Variants in KIF13B observed in about 807,000 individuals in gnomAD.
KIF13B encodes kinesin-like protein KIF13B.
In KIF13B, 127 loss-of-function variants were observed where a neutral mutation model predicts 222.0. The observed-to-expected ratio is 0.57, with a 90% CI of 0.50 to 0.66. The LOEUF (loss-of-function observed/expected upper bound fraction) is 0.66, where lower values mean the gene tolerates loss of function less well. Ranked by LOEUF, KIF13B falls within the 30% of genes least tolerant of loss-of-function variation. The probability of loss-of-function intolerance (pLI) is 0.00; values close to 1 mark genes in which losing one functional copy is unlikely to be tolerated. For missense variants in KIF13B, 2,173 were observed against 2,379.0 expected (o/e 0.91, Z 1.80); for synonymous variants, 976 against 919.0 (o/e 1.06, Z -1.12).
rs1000187998 is a variant in KIF13B at position 29,194,573 on chromosome 8, G to C, written c.162+1614C>G. Among the ~76,000 whole-genome samples the C allele has an allele frequency of 7.2e-5, 11 of 152,144 alleles. No homozygotes were observed. The South Asian group carries it at 2.3e-3, about 32-fold the overall frequency. ...CCCCAATATGAAAGTGCCACAGCCT[G>C]GCACAAAGTTGGGGACTAATAAACA... On this transcript the variant is annotated intron_variant, in intron 3 of 39. Transcript: ENST00000524189.
At chr8:29,146,317 G>C in intron 18 of KIF13B, 61 bp downstream of exon 18, 1 of 1,548,414 alleles carries the variant, frequency 6.5e-7, no homozygotes, top group Non-Finnish European at 8.9e-7. Context: ...ATAACACCAG[G>C]AAATATCAGG....
chr8:29,254,383 C>T (rs927354488), intron 1 of KIF13B, among the ~76,000 whole-genome samples: 2 of 151,956 alleles, frequency 1.3e-5, no homozygotes, highest in African/African-American at 4.8e-5. Flanking sequence ...AAAAAGAAAC[C>T]CATAAAATCA....
At chr8:29,183,442 G>A (rs1479537947) in intron 6 of KIF13B, among the ~76,000 whole-genome samples, 4 of 152,034 alleles carry the variant, frequency 2.6e-5, no homozygotes, top group African/African-American at 4.8e-5. Flanking sequence ...ATGAGCCACC[G>A]TGCCCAACCA....
chr8:29,104,961 G>GT (rs975617579), intron 35 of KIF13B, among the ~76,000 whole-genome samples: 6 of 145,528 alleles, frequency 4.1e-5, no homozygotes, highest in East Asian at 4.1e-4. Context: ...AGCCAGGATG[G>GT]TTTTTTTTCC....
At chr8:29,155,627 T>C in intron 14 of KIF13B, 99 bp downstream of exon 14, 1 of 1,007,976 alleles carries the variant, frequency 9.9e-7, no homozygotes. Context: ...GATTACTTAA[T>C]GTGGTCAACT....
intron 32 of KIF13B, among the ~76,000 whole-genome samples, chr8:29,112,599 C>A (rs1475645194): frequency 2.0e-5 from 3 of 152,136 alleles, no homozygotes; most frequent in Non-Finnish European, 4.4e-5. Flanking sequence ...GTCTCACACC[C>A]CCACTTCTCC....
intron 37 of KIF13B, among the ~76,000 whole-genome samples, chr8:29,086,430 A>T (rs1014475943): frequency 2.0e-5 from 3 of 152,192 alleles, no homozygotes; most frequent in African/African-American, 7.2e-5. Context: ...CTGAGGTTAG[A>T]GGATCACCTG....
intron 14 of KIF13B, 30 bp from the exon 15 acceptor site, chr8:29,150,413 A>G (rs1343477861): frequency 5.6e-6 from 6 of 1,077,120 alleles, no homozygotes; most frequent in Non-Finnish European, 8.5e-6. Flanking sequence ...AACGTGAATG[A>G]TGAGTACAGT....
At chr8:29,157,210 GCCACTCCCTT>G (rs997921234) in intron 13 of KIF13B, among the ~76,000 whole-genome samples, 20 of 151,276 alleles carry the variant, frequency 1.3e-4, no homozygotes, top group African/African-American at 4.6e-4. Context: ...TCCATTGCAT[GCCACTCCCTT>G]CCACTCCTGC....
At position 29,187,218 on chromosome 8, in the gene KIF13B, C is replaced by A. The variant is rs183320034; in HGVS notation, c.317-746G>T. Reference sequence around the variant, plus strand: ...TATAGTGTGGAAACTAAAGAATAATCTTTTTTCTTATATAAAATTATTTTC... The same window carrying A: ...TATAGTGTGGAAACTAAAGAATAATATTTTTTCTTATATAAAATTATTTTC... On this transcript the variant is annotated intron_variant, in intron 5 of 39. Transcript: ENST00000524189. Among the ~76,000 whole-genome samples the A allele has an allele frequency of 5.6e-4, 85 of 152,172 alleles. No homozygotes were observed. The East Asian group carries it at 8.0e-3, about 14-fold the overall frequency.
At chr8:29,109,882 C>T in intron 33 of KIF13B, 36 bp downstream of exon 33, 9 of 1,605,580 alleles carry the variant, frequency 5.6e-6, no homozygotes, top group Non-Finnish European at 7.7e-6. Context: ...TGCATCAGGG[C>T]CTCTGCTGCC....
rs914219536 is a variant in KIF13B at position 29,070,419 on chromosome 8, C to T, written c.*85G>A. On this transcript the variant is annotated 3_prime_UTR_variant, in exon 40 of 40. Transcript: ENST00000524189. The surrounding 1 kb of genome is among the most constrained non-coding windows in gnomAD (Gnocchi z 4.1). The stretch of plus-strand genomic sequence containing the variant: ...GCCCTGCCCCTGGGGAAGGGGCCAC[C>T]GGGCTCCTGGCTCCTCAGGGCTGTC... 9 of 1,491,998 alleles carry T rather than the reference C, an allele frequency of 6.0e-6. No individual in the cohort carries two copies. Among genetic ancestry groups the T allele is most frequent in the East Asian group, 2.4e-5 (1 of 41,842 alleles). The allele number at this position is 1,491,998 out of a possible 1,614,324, so 92.4% of individuals were successfully genotyped here. A position where few individuals can be genotyped will look rare whatever the true frequency, so the allele number is the denominator to read the frequency against.
At position 29,140,606 on chromosome 8, in the gene KIF13B, T is replaced by C. The variant is rs745631219; in HGVS notation, c.2346A>G (p.Ser782=). The change falls in exon 20 of 40, where the codon TCA becomes TCG. Residue 782 remains serine (S), a synonymous_variant. Transcript: ENST00000524189. Reference sequence around the variant, plus strand: ...AGAATGGATCAGCACGTTTGAAGTATGATCGTATTACCTGTAAAGAGATTG... The same window carrying C: ...AGAATGGATCAGCACGTTTGAAGTACGATCGTATTACCTGTAAAGAGATTG... ...ECEEDNPVIR[S]YFKRADPFYD... 4 of 1,613,024 alleles carry C rather than the reference T, an allele frequency of 2.5e-6. No homozygotes were observed. The African/African-American group carries it at 4.0e-5, about 16-fold the overall frequency.
At chr8:29,235,863 A>C (rs1182348665) in intron 2 of KIF13B, among the ~76,000 whole-genome samples, 1 of 152,194 alleles carries the variant, frequency 6.6e-6, no homozygotes, top group Non-Finnish European at 1.5e-5. Context: ...CAAGGCAATG[A>C]GGTCCTTCCC....
chr8:29,080,280 T>C (rs1257082684), intron 37 of KIF13B, among the ~76,000 whole-genome samples: 2 of 129,588 alleles, frequency 1.5e-5, no homozygotes, highest in African/African-American at 3.0e-5. Context: ...CAGTAAGCCA[T>C]GATCATGCCA....
chr8:29,227,523 A>C (rs2130564718), intron 2 of KIF13B, among the ~76,000 whole-genome samples: 1 of 152,182 alleles, frequency 6.6e-6, no homozygotes, highest in East Asian at 1.9e-4. Context: ...CTCCTGACCT[A>C]GGTATATTTC....
chr8:29,104,096 C>T (rs1412091261), intron 35 of KIF13B, among the ~76,000 whole-genome samples: 1 of 152,106 alleles, frequency 6.6e-6, no homozygotes, highest in Non-Finnish European at 1.5e-5. Context: ...GTCTTCATTC[C>T]TCCCTGGCGC....
rs760195704 is a variant in KIF13B at position 29,140,488 on chromosome 8, T to C, written c.2464A>G (p.Ile822Val). Reference protein sequence around the residue: ...YDVKLQYAVPIINQKGEVAGR... With the variant: ...YDVKLQYAVPVINQKGEVAGR... ...CCAACCTCTCCTTTCTGGTTGATGA[T>C]GGGAACAGCGTATTGTAACTTCACA... The change falls in exon 20 of 40, where the codon ATC (isoleucine) becomes GTC (valine). Residue 822 changes from isoleucine to valine, a missense_variant. Ile to Val is a conservative substitution (Grantham distance 29). This residue lies in a region of KIF13B where 1,480 missense variants were observed against 1,722.8 expected (regional missense o/e 0.86). Coordinates refer to ENST00000524189, the MANE Select transcript of KIF13B (RefSeq NM_015254.4). 2.5e-6 allele frequency: 4 copies of C among 1,613,698 alleles called. No homozygotes were observed. The highest frequency in any genetic ancestry group is 2.2e-5 in the East Asian group (1 of 44,894).
intron 36 of KIF13B, among the ~76,000 whole-genome samples, chr8:29,094,866 C>G (rs1277096738): frequency 1.4e-5 from 2 of 147,194 alleles, no homozygotes; most frequent in East Asian, 4.0e-4. Flanking sequence ...AATTCTAGAA[C>G]TGAAAAAAAA....
Sources: gnomAD v4.1 joint callset for allele counts (sites outside exome capture counted in the v4.1 genomes callset) on GRCh38, gnomAD v4.1.1 for gene constraint, gnomAD v4.1.1 regional missense constraint, Gnocchi (gnomAD v3.1) non-coding constraint, MANE v1.5 for transcripts, NCBI Gene and HGNC (gene_info 2026-07-23, HGNC 2026-07-21) for gene names.